RALGPS1: variants seen among roughly 807,000 people sequenced by gnomAD.
The protein encoded by RALGPS1 is ras-specific guanine nucleotide-releasing factor RalGPS1.
RALGPS1 carries 19 observed loss-of-function variants against 78.8 expected under a neutral mutation model. That is an observed-to-expected ratio of 0.24 (90% CI 0.17 to 0.35). RALGPS1 has a LOEUF of 0.35. Ranked by LOEUF, RALGPS1 falls within the 10% of genes least tolerant of loss-of-function variation. The pLI is 1.00. For missense variants in RALGPS1, 454 were observed against 688.3 expected (o/e 0.66, Z 3.81); for synonymous variants, 228 against 256.3 (o/e 0.89, Z 1.06).
chr9:127,167,407 C>T (rs1362981168), intron 9 of RALGPS1, among the ~76,000 whole-genome samples: 1 of 152,230 alleles, frequency 6.6e-6, no homozygotes, highest in Non-Finnish European at 1.5e-5. Context: ...CATTGGCCAG[C>T]AGAGCAACCA....
intron 5 of RALGPS1, among the ~76,000 whole-genome samples, chr9:127,040,786 T>C (rs1171116250): frequency 6.6e-6 from 1 of 152,164 alleles, no homozygotes; most frequent in Non-Finnish European, 1.5e-5. Context: ...CTGTTTACCA[T>C]CTCTACCGTG....
intron 1 of RALGPS1, among the ~76,000 whole-genome samples, chr9:126,928,419 G>A (rs2035497022): frequency 6.6e-6 from 1 of 152,066 alleles, no homozygotes; most frequent in African/African-American, 2.4e-5. Flanking sequence ...CCAAATGCTG[G>A]GCAAAGAGAA....
intron 14 of RALGPS1, among the ~76,000 whole-genome samples, chr9:127,204,263 C>T (rs898858599): frequency 7.2e-5 from 11 of 152,152 alleles, no homozygotes; most frequent in African/African-American, 2.4e-4. Flanking sequence ...ATCTCCCAGG[C>T]TCAAGTGATC....
intron 8 of RALGPS1, chr9:127,092,084 C>T (rs546213206): frequency 2.1e-6 from 2 of 963,498 alleles, no homozygotes; most frequent in East Asian, 2.4e-5. Context: ...CCCTACTCCA[C>T]CTCTTAATCT....
rs1418576184 is a variant in RALGPS1, at chr9:127,223,084, T to G, written c.*4315T>G. The G allele has an allele frequency of 6.5e-6, 1 of 152,706 alleles. No homozygotes were observed. The highest frequency in any genetic ancestry group is 1.5e-5 in the Non-Finnish European group (1 of 68,048). 9.5% of individuals were successfully genotyped at this position (152,706 alleles called of 1,614,324 possible). On this transcript the variant is annotated 3_prime_UTR_variant, in exon 19 of 19. Transcript: ENST00000259351. ...TGCTGTATTTTTCAGCTTGTTACAT[T>G]GATAATAATTATTTCACTAATTAAA...
At chr9:126,921,148 A>T (rs1184273865) in intron 1 of RALGPS1, among the ~76,000 whole-genome samples, 1 of 152,186 alleles carries the variant, frequency 6.6e-6, no homozygotes, top group Non-Finnish European at 1.5e-5. Context: ...GCACCTCTTG[A>T]GCTGTTTCTC....
chr9:126,978,452 T>TGTGC (rs2040896005), intron 4 of RALGPS1: 1 of 152,044 alleles, frequency 6.6e-6, no homozygotes, highest in Admixed American at 6.6e-5. Context: ...TGTGTGTGTG[T>TGTGC]GTGCGTGTGA....
chr9:127,010,225 C>T (rs2044220259), intron 4 of RALGPS1, among the ~76,000 whole-genome samples: 1 of 152,038 alleles, frequency 6.6e-6, no homozygotes, highest in Non-Finnish European at 1.5e-5. Flanking sequence ...CCTGGCCAGG[C>T]TCTAGTTGTT....
At chr9:127,132,261 A>C (rs955438777) in intron 8 of RALGPS1, among the ~76,000 whole-genome samples, 8 of 152,336 alleles carry the variant, frequency 5.3e-5, no homozygotes, top group African/African-American at 1.9e-4. Context: ...AACAAACTTC[A>C]TTCGACTGAT....
In RALGPS1 at chr9:127,014,950, C is replaced by T. The variant is rs147846547; in HGVS notation, c.217-19481C>T. Among the ~76,000 whole-genome samples, 636 of 152,296 alleles carry T rather than the reference C, an allele frequency of 4.2e-3. 3 individuals are homozygous for T. The highest frequency in any genetic ancestry group is 0.015 in the African/African-American group (608 of 41,548). On this transcript the variant is annotated intron_variant, in intron 4 of 18. Transcript: ENST00000259351. ...CTCTGTGAGCCACAGTCTTCTCATC[C>T]ATCAAATGAAATAGTAAAATCTACT...
intron 4 of RALGPS1, among the ~76,000 whole-genome samples, chr9:126,982,928 CTTT>C (rs71377984): frequency 1.2e-4 from 4 of 34,628 alleles, no homozygotes; most frequent in African/African-American, 2.2e-4. Flanking sequence ...TCTTCTTCTT[CTTT>C]TTTTTTTTTT....
chr9:127,108,081 G>A (rs1211072692), intron 8 of RALGPS1: 3 of 1,611,482 alleles, frequency 1.9e-6, no homozygotes, highest in East Asian at 2.2e-5. Context: ...GGGCAGCGGG[G>A]GGTGGCTGGG....
Position 127,212,004 on chromosome 9 carries a change from C to T in RALGPS1, c.1248-127C>T, listed in dbSNP as rs537435748. The T allele has an allele frequency of 2.6e-5, 18 of 703,936 alleles. No homozygotes were observed. The highest frequency in any genetic ancestry group is 1.6e-4 in the African/African-American group (9 of 55,494). The allele number at this position is 703,936 out of a possible 1,614,324, so 43.6% of individuals were successfully genotyped here. A position where few individuals can be genotyped will look rare whatever the true frequency, so the allele number is the denominator to read the frequency against. Reference sequence around the variant, plus strand: ...GCCCTCCCCTCCGGGCCTTGCTCTGCGCCGTTAAGTCTGGACTGCTGGGAT... The same window carrying T: ...GCCCTCCCCTCCGGGCCTTGCTCTGTGCCGTTAAGTCTGGACTGCTGGGAT... On this transcript the variant is annotated intron_variant, in intron 14 of 18. Transcript: ENST00000259351. The surrounding 1 kb of genome is among the most constrained non-coding windows in gnomAD (Gnocchi z 6.0).
At chr9:126,918,868 C>G (rs2034461677) in intron 1 of RALGPS1, among the ~76,000 whole-genome samples, 1 of 152,028 alleles carries the variant, frequency 6.6e-6, no homozygotes, top group African/African-American at 2.4e-5. Context: ...GGGGGTTTCT[C>G]CATGTTGGTC....
At chr9:127,177,792 G>T in intron 11 of RALGPS1, 6 of 1,536,530 alleles carry the variant, frequency 3.9e-6, no homozygotes, top group Non-Finnish European at 5.3e-6. Context: ...GACTGTCCTG[G>T]AAGTCAGCTG....
At chr9:127,002,433 C>CTTTTTTTT (rs11380006) in intron 4 of RALGPS1, among the ~76,000 whole-genome samples, 4 of 117,422 alleles carry the variant, frequency 3.4e-5, no homozygotes, top group Admixed American at 1.7e-4. Context: ...CACAAACATT[C>CTTTTTTTT]TTTTTTTTTT....
chr9:126,959,761 C>T (rs1564309599), intron 1 of RALGPS1, among the ~76,000 whole-genome samples: 1 of 152,146 alleles, frequency 6.6e-6, no homozygotes, highest in East Asian at 1.9e-4. Flanking sequence ...CCATTTTAAC[C>T]TAAGTTTTAA....
chr9:127,210,681 C>T (rs1477090122), intron 14 of RALGPS1: 7 of 1,546,660 alleles, frequency 4.5e-6, no homozygotes, highest in Non-Finnish European at 5.2e-6. Context: ...AAATTTAACC[C>T]TTTTCCTCTG....
chr9:127,126,658 A>G (rs1015468751), intron 8 of RALGPS1, among the ~76,000 whole-genome samples: 3 of 152,190 alleles, frequency 2.0e-5, no homozygotes, highest in Non-Finnish European at 2.9e-5. Flanking sequence ...AAAGTATTTT[A>G]TGTCAGATAC....
Sources: allele counts gnomAD v4.1 joint callset (sites outside exome capture counted in the v4.1 genomes callset), GRCh38; gene constraint gnomAD v4.1.1; non-coding constraint Gnocchi (gnomAD v3.1); transcripts MANE v1.5; gene names NCBI Gene and HGNC (gene_info 2026-07-23, HGNC 2026-07-21).